GAS7: variants seen among roughly 807,000 people sequenced by gnomAD.
GAS7 encodes growth arrest specific 7, also known as growth arrest-specific protein 7.
In GAS7, 28 loss-of-function variants were observed where a neutral mutation model predicts 71.1. The ratio of observed to expected loss-of-function variants is 0.39; its 90% CI spans 0.29 to 0.54. The LOEUF (loss-of-function observed/expected upper bound fraction) is 0.54, where lower values mean the gene tolerates loss of function less well. GAS7 is among the 20% of genes least tolerant of loss of function. GAS7 has a pLI of 0.62. For missense variants in GAS7, 436 were observed against 627.8 expected, an observed-to-expected ratio of 0.69 and a Z score of 3.27; for synonymous variants, 258 against 245.8, an observed-to-expected ratio of 1.05 and a Z score of -0.46.
chr17:10,025,583 TA>T (rs1192125530), intron 1 of GAS7, among the ~76,000 whole-genome samples: 1,816 of 138,690 alleles, frequency 0.013, 11 homozygotes, highest in African/African-American at 0.025. Context: ...ATTCCTCCTT[TA>T]AAAAAAAAAA....
intron 1 of GAS7, among the ~76,000 whole-genome samples, chr17:10,174,464 G>A (rs993016941): frequency 6.6e-5 from 10 of 152,088 alleles, no homozygotes; most frequent in Non-Finnish European, 1.5e-5. Context: ...AGGCCGAGAC[G>A]GGCGGATCAC....
chr17:10,148,344 C>T (rs759238852), intron 1 of GAS7, among the ~76,000 whole-genome samples: 4 of 151,944 alleles, frequency 2.6e-5, no homozygotes, highest in Admixed American at 1.3e-4. Context: ...GACGCAGCGG[C>T]TCACACCTGC....
intron 9 of GAS7, among the ~76,000 whole-genome samples, chr17:9,927,423 T>G (rs1214561648): frequency 1.3e-5 from 2 of 150,824 alleles, no homozygotes; most frequent in African/African-American, 4.9e-5. Flanking sequence ...GAGGTTGCAG[T>G]GAGCCGAGAT....
At chr17:9,954,467 G>C (rs558344372) in intron 5 of GAS7, among the ~76,000 whole-genome samples, 1 of 4,274 alleles carries the variant, frequency 2.3e-4, no homozygotes, top group Non-Finnish European at 4.9e-4. Flanking sequence ...TGCAGTGATG[G>C]GGGATGGGGG....
At chr17:10,132,513 C>A (rs1264853476) in intron 1 of GAS7, among the ~76,000 whole-genome samples, 1 of 152,198 alleles carries the variant, frequency 6.6e-6, no homozygotes, top group African/African-American at 2.4e-5. Flanking sequence ...TGCCCATAAT[C>A]CCAGCACTTT....
chr17:10,039,186 T>A (rs945933677), intron 1 of GAS7, among the ~76,000 whole-genome samples: 1 of 150,184 alleles, frequency 6.7e-6, no homozygotes, highest in Non-Finnish European at 1.5e-5. Context: ...TTAAAACTGA[T>A]GGAGATGGTG....
intron 1 of GAS7, among the ~76,000 whole-genome samples, chr17:10,021,595 T>C (rs778809217): frequency 3.9e-5 from 6 of 152,136 alleles, no homozygotes; most frequent in Non-Finnish European, 7.4e-5. Context: ...CCCGTTTGAT[T>C]CCGTATGGAA....
intron 1 of GAS7, among the ~76,000 whole-genome samples, chr17:10,043,192 T>A (rs557913312): frequency 6.6e-6 from 1 of 152,152 alleles, no homozygotes; most frequent in Non-Finnish European, 1.5e-5. Flanking sequence ...CTCCCTCTCC[T>A]GTGCCTTTCA....
At chr17:9,923,336 T>C (rs955418448) in intron 11 of GAS7, among the ~76,000 whole-genome samples, 8 of 146,212 alleles carry the variant, frequency 5.5e-5, no homozygotes, top group Admixed American at 1.4e-4. Context: ...ATGGGAAATA[T>C]CACTGTACAG....
intron 1 of GAS7, among the ~76,000 whole-genome samples, chr17:10,022,421 A>G (rs1025305357): frequency 2.6e-5 from 4 of 152,192 alleles, no homozygotes; most frequent in African/African-American, 9.7e-5. Context: ...ATAACTTGGG[A>G]GGAAATAGGA....
chr17:9,966,300 T>TC (rs1166121586), intron 4 of GAS7, among the ~76,000 whole-genome samples: 5 of 150,994 alleles, frequency 3.3e-5, no homozygotes, highest in South Asian at 2.1e-4. Flanking sequence ...GACCGCCCCC[T>TC]CCCCCCAAAA....
In GAS7 at chr17:9,917,983, G is replaced by A. The variant is rs369028958; in HGVS notation, c.1317+18C>T. The A allele has an allele frequency of 5.2e-5, 83 of 1,588,038 alleles. No homozygotes were observed. The highest frequency in any genetic ancestry group is 2.5e-4 in the South Asian group (23 of 90,390). On this transcript the variant is annotated intron_variant, in intron 13 of 13. Transcript: ENST00000432992. ...AGGCCCCGTGTCGCCCGGGAGCCCCGCTGGGCTGGAAACTCACGCTTTGGT... is the reference window on the plus strand; with the variant it reads ...AGGCCCCGTGTCGCCCGGGAGCCCCACTGGGCTGGAAACTCACGCTTTGGT...
chr17:9,950,070 G>A (rs1185773669), intron 5 of GAS7, among the ~76,000 whole-genome samples: 1 of 151,914 alleles, frequency 6.6e-6, no homozygotes, highest in Admixed American at 6.6e-5. Flanking sequence ...CACCACGTTG[G>A]CCAGGCTGGT....
chr17:10,152,505 A>G (rs2074173995), intron 1 of GAS7, among the ~76,000 whole-genome samples: 1 of 152,162 alleles, frequency 6.6e-6, no homozygotes. Flanking sequence ...AATTTCACAC[A>G]TGACAAAAGG....
chr17:10,188,478 T>C (rs1409680016), intron 1 of GAS7, among the ~76,000 whole-genome samples: 1 of 152,194 alleles, frequency 6.6e-6, no homozygotes, highest in African/African-American at 2.4e-5. Context: ...CAGTGCCAAA[T>C]GGTCCTTCAG....
intron 1 of GAS7, among the ~76,000 whole-genome samples, chr17:10,167,595 C>T (rs1484376642): frequency 6.6e-6 from 1 of 152,212 alleles, no homozygotes; most frequent in Non-Finnish European, 1.5e-5. Context: ...ATGTCATCTT[C>T]TTCTGCCACC....
At chr17:10,141,232 G>A (rs908557682) in intron 1 of GAS7, among the ~76,000 whole-genome samples, 1 of 152,182 alleles carries the variant, frequency 6.6e-6, no homozygotes, top group African/African-American at 2.4e-5. Flanking sequence ...GGAGGGTCAC[G>A]AGGTCAGGAG....
At chr17:10,063,865 G>T (rs1042318272) in intron 1 of GAS7, among the ~76,000 whole-genome samples, 1 of 152,124 alleles carries the variant, frequency 6.6e-6, no homozygotes, top group Non-Finnish European at 1.5e-5. Flanking sequence ...GGGTGGTGAG[G>T]GGGGCAGAGG....
intron 1 of GAS7, among the ~76,000 whole-genome samples, chr17:10,161,075 TCG>T (rs1429109687): frequency 4.0e-5 from 6 of 151,792 alleles, no homozygotes; most frequent in African/African-American, 9.7e-5. Context: ...TGAACAAGGG[TCG>T]CGGCTCCGTT....
Sources: allele counts gnomAD v4.1 joint callset (sites outside exome capture counted in the v4.1 genomes callset), GRCh38; gene constraint gnomAD v4.1.1; transcripts MANE v1.5; gene names NCBI Gene and HGNC (gene_info 2026-07-23, HGNC 2026-07-21).